AZIN1: variants seen among roughly 807,000 people sequenced by gnomAD.
AZIN1 encodes the protein antizyme inhibitor 1.
Under a neutral mutation model 47.4 loss-of-function variants are expected in AZIN1, and 12 were observed. That is an observed-to-expected ratio of 0.25 (90% CI 0.16 to 0.41). AZIN1 has a LOEUF of 0.41. AZIN1 is among the 10% of genes least tolerant of loss of function. The pLI, the probability that AZIN1 is intolerant of heterozygous loss-of-function variation, is 1.00. For missense variants in AZIN1, 410 were observed against 532.4 expected (o/e 0.77, Z 2.26); for synonymous variants, 155 against 176.3 (o/e 0.88, Z 0.96).
intron 5 of AZIN1, among the ~76,000 whole-genome samples, chr8:102,837,814 T>TA (rs1446044450): frequency 6.6e-6 from 1 of 152,230 alleles, no homozygotes; most frequent in Non-Finnish European, 1.5e-5. Context: ...GAAACACACA[T>TA]AACTCATTAA....
At chr8:102,859,901 T>C (rs1196898444) in intron 1 of AZIN1, among the ~76,000 whole-genome samples, 4 of 152,094 alleles carry the variant, frequency 2.6e-5, no homozygotes, top group African/African-American at 4.8e-5. Flanking sequence ...TCTCAACTAC[T>C]GAGGAGGTTA....
At chr8:102,829,246 T>C in intron 11 of AZIN1, 26 bp downstream of exon 11, 1 of 1,579,538 alleles carries the variant, frequency 6.3e-7, no homozygotes, top group Non-Finnish European at 8.7e-7. Flanking sequence ...AAATATCCCA[T>C]CTGCCTTAAA....
intron 9 of AZIN1, chr8:102,830,348 G>C (rs1811359525): frequency 6.7e-6 from 1 of 148,464 alleles, no homozygotes; most frequent in Non-Finnish European, 1.5e-5. Flanking sequence ...GAGACAGTGA[G>C]CCAAGGCTGT....
chr8:102,849,135 A>G (rs1276468338), intron 2 of AZIN1, among the ~76,000 whole-genome samples: 1 of 152,134 alleles, frequency 6.6e-6, no homozygotes, highest in Non-Finnish European at 1.5e-5. Context: ...TCTACTAAAA[A>G]TATAAAAATT....
chr8:102,843,760 A>G lies in AZIN1; in HGVS notation c.-95-13T>C, dbSNP rs1316317825. The G allele has an allele frequency of 1.3e-6, 2 of 1,486,456 alleles. No individual in the cohort carries two copies. The highest frequency in any genetic ancestry group is 2.8e-5 in the African/African-American group (2 of 70,194). The allele number at this position is 1,486,456 out of a possible 1,614,324, so 92.1% of individuals were successfully genotyped here. A position where few individuals can be genotyped will look rare whatever the true frequency, so the allele number is the denominator to read the frequency against. ...AATATGCAACAAACTGTCAAAATATAAGTTATATAAAAGTCTGTATTATTT... is the reference window on the plus strand; with the variant it reads ...AATATGCAACAAACTGTCAAAATATGAGTTATATAAAAGTCTGTATTATTT... On this transcript the variant is annotated splice_polypyrimidine_tract_variant and intron_variant, in intron 2 of 11. Coordinates refer to ENST00000337198, the MANE Select transcript of AZIN1 (RefSeq NM_148174.4).
At chr8:102,844,619 T>C (rs1812440809) in intron 2 of AZIN1, among the ~76,000 whole-genome samples, 1 of 140,030 alleles carries the variant, frequency 7.1e-6, no homozygotes, top group African/African-American at 2.7e-5. Context: ...TAATTATTTC[T>C]TCAACAGGTT....
chr8:102,857,598 AAATT>A (rs1311710179), intron 2 of AZIN1, among the ~76,000 whole-genome samples: 11 of 152,170 alleles, frequency 7.2e-5, no homozygotes, highest in East Asian at 3.8e-4. Flanking sequence ...ATACATATAT[AAATT>A]GAGATATATA....
At position 102,838,735 on chromosome 8, in the gene AZIN1, T is replaced by C. The variant is rs772776067; in HGVS notation, c.449+9A>G. 6.2e-7 allele frequency: 1 copy of C among 1,604,698 alleles called. No individual in the cohort carries two copies. Among genetic ancestry groups the C allele is most frequent in the East Asian group, 2.2e-5 (1 of 44,770 alleles). ...AATAATATTTTCAAGTACTTAATTT[T>C]ATACTTACTTGGCATTTGGGTGATT... is the stretch of plus-strand genomic sequence containing the variant. On this transcript the variant is annotated intron_variant, in intron 5 of 11. Coordinates refer to ENST00000337198, the MANE Select transcript of AZIN1 (RefSeq NM_148174.4).
At chr8:102,834,331 C>T in intron 7 of AZIN1, 68 bp from the exon 8 acceptor site, 1 of 1,341,588 alleles carries the variant, frequency 7.5e-7, no homozygotes, top group Non-Finnish European at 1.0e-6. Flanking sequence ...ATTTTAAAAA[C>T]CCCCTCCTAG....
At chr8:102,833,660 T>G (rs1324447393) in intron 8 of AZIN1, among the ~76,000 whole-genome samples, 1 of 151,858 alleles carries the variant, frequency 6.6e-6, no homozygotes, top group East Asian at 1.9e-4. Context: ...CCCCAAAACT[T>G]TGGGAGGCTG....
intron 8 of AZIN1, among the ~76,000 whole-genome samples, chr8:102,833,610 A>T (rs1032297658): frequency 6.6e-6 from 1 of 152,090 alleles, no homozygotes; most frequent in Non-Finnish European, 1.5e-5. Context: ...ATCTGGCCTA[A>T]ATGCTAAAGT....
At chr8:102,844,478 G>C (rs1434863793) in intron 2 of AZIN1, among the ~76,000 whole-genome samples, 1 of 152,154 alleles carries the variant, frequency 6.6e-6, no homozygotes, top group Non-Finnish European at 1.5e-5. Context: ...AGTACTAGCT[G>C]TATCAAGTTA....
rs555079813 is a variant in AZIN1 at position 102,828,327 on chromosome 8, G to A, written c.*240C>T. 11 of 324,624 alleles carry A rather than the reference G, an allele frequency of 3.4e-5. No individual in the cohort carries two copies. The highest frequency in any genetic ancestry group is 5.1e-5 in the Non-Finnish European group (9 of 177,806). The allele number at this position is 324,624 out of a possible 1,614,324, so 20.1% of individuals were successfully genotyped here. On this transcript the variant is annotated 3_prime_UTR_variant, in exon 12 of 12. Coordinates refer to ENST00000337198, the MANE Select transcript of AZIN1 (RefSeq NM_148174.4). ...TTTTGTTGCATATTTTATTTTAAAC[G>A]CTTAAGGGGTAGGACAAACTGGTAG...
At position 102,826,885 on chromosome 8, in the gene AZIN1, AAAAG is replaced by A. The variant is rs1811144170; in HGVS notation, c.*1678_*1681del. 2 of 152,632 alleles carry A rather than the reference AAAAG, an allele frequency of 1.3e-5. No individual in the cohort carries two copies. Among genetic ancestry groups the A allele is most frequent in the Non-Finnish European group, 2.9e-5 (2 of 68,026 alleles). The allele number at this position is 152,632 out of a possible 1,614,324, so 9.5% of individuals were successfully genotyped here. On this transcript the variant is annotated 3_prime_UTR_variant, in exon 12 of 12. Coordinates refer to ENST00000337198, the MANE Select transcript of AZIN1 (RefSeq NM_148174.4). Reference sequence around the variant, plus strand: ...CATAAAACCCCATAATATACCTTGGAAAAGTCCAAGGGCAATTTGATGGCAATGG... The same window carrying A: ...CATAAAACCCCATAATATACCTTGGATCCAAGGGCAATTTGATGGCAATGG...
intron 1 of AZIN1, among the ~76,000 whole-genome samples, chr8:102,859,540 A>G (rs1273190248): frequency 6.6e-6 from 1 of 151,640 alleles, no homozygotes. Context: ...TAGGGAATGA[A>G]GGCTCTAGAA....
Position 102,828,437 on chromosome 8 carries a change from C to G in AZIN1, c.*130G>C, listed in dbSNP as rs578080863. On this transcript the variant is annotated 3_prime_UTR_variant, in exon 12 of 12. Transcript: ENST00000337198. ...GCTGATTTTGTCTGGTCCCAAATAG[C>G]TATTACTAATAGTTTTTGTTGCCAA... 3.6e-6 allele frequency: 2 copies of G among 561,384 alleles called. No homozygotes were observed. The highest frequency in any genetic ancestry group is 1.9e-5 in the African/African-American group (1 of 52,498). 34.8% of individuals were successfully genotyped at this position (561,384 alleles called of 1,614,324 possible). A position where few individuals can be genotyped will look rare whatever the true frequency, so the allele number is the denominator to read the frequency against.
intron 1 of AZIN1, chr8:102,859,198 T>G (rs1374797069): frequency 1.3e-5 from 2 of 152,178 alleles, no homozygotes; most frequent in African/African-American, 2.4e-5. Flanking sequence ...CCTACAAACA[T>G]GCAATGATGA....
intron 1 of AZIN1, among the ~76,000 whole-genome samples, chr8:102,862,401 G>T (rs892486): frequency 6.6e-6 from 1 of 151,624 alleles, no homozygotes; most frequent in Non-Finnish European, 1.5e-5. Context: ...AAACGTATGT[G>T]ATAAAACCTT....
In AZIN1 at chr8:102,829,727, T is replaced by G. The variant is rs1320470559; in HGVS notation, c.1020+94A>C. On this transcript the variant is annotated intron_variant, in intron 10 of 11. Coordinates refer to ENST00000337198, the MANE Select transcript of AZIN1 (RefSeq NM_148174.4). ...TCAAAAAGGACATTTTTCCCCATTC[T>G]AAGATGTTTTTCAAAAAACTGGGAA... 4 of 997,762 alleles carry G rather than the reference T, an allele frequency of 4.0e-6. No individual in the cohort carries two copies. The East Asian group carries it at 7.3e-5, about 18-fold the overall frequency. 61.8% of individuals were successfully genotyped at this position (997,762 alleles called of 1,614,324 possible). A position where few individuals can be genotyped will look rare whatever the true frequency, so the allele number is the denominator to read the frequency against.
Sources: gnomAD v4.1 joint callset for allele counts (sites outside exome capture counted in the v4.1 genomes callset) on GRCh38, gnomAD v4.1.1 for gene constraint, MANE v1.5 for transcripts, NCBI Gene and HGNC (gene_info 2026-07-23, HGNC 2026-07-21) for gene names.